The following ZNF385D variants were observed in gnomAD, a reference collection of about 807,000 sequenced individuals.
The protein encoded by ZNF385D is zinc finger protein 659.
In ZNF385D, 15 loss-of-function variants were observed where a neutral mutation model predicts 35.8. The ratio of observed to expected loss-of-function variants is 0.42; its 90% CI spans 0.28 to 0.64. The LOEUF (loss-of-function observed/expected upper bound fraction) is 0.64. Ranked by LOEUF, ZNF385D falls within the 30% of genes least tolerant of loss-of-function variation. ZNF385D has a pLI of 0.23. For missense variants in ZNF385D, 474 were observed against 494.6 expected (o/e 0.96, Z 0.39); for synonymous variants, 212 against 186.8 (o/e 1.13, Z -1.10).
rs143615252 is a variant in ZNF385D, at chr3:22,122,277, T to A, written c.325+46540A>T. Among the ~76,000 whole-genome samples, 346 of 152,294 alleles carry A rather than the reference T, an allele frequency of 2.3e-3. 1 individual carries two copies. The highest frequency in any genetic ancestry group is 7.5e-3 in the African/African-American group (312 of 41,576). ...CTTGCAAGTGACAAGCATCAGGACC[T>A]GCATTCGGCTGAAGTCATCAAAGGG... On this transcript the variant is annotated intron_variant, in intron 3 of 5. Coordinates refer to the ZNF385D transcript ENST00000494108.
intron 2 of ZNF385D, among the ~76,000 whole-genome samples, chr3:21,570,210 G>A (rs2063294661): frequency 6.6e-6 from 1 of 152,058 alleles, no homozygotes; most frequent in African/African-American, 2.4e-5. Flanking sequence ...TCAGCCCATG[G>A]CCTTATTTAA....
At chr3:21,682,201 GTTTGT>G (rs2066934692) in intron 1 of ZNF385D, among the ~76,000 whole-genome samples, 1 of 152,190 alleles carries the variant, frequency 6.6e-6, no homozygotes. Context: ...TGGCAGGTTG[GTTTGT>G]TTTTAGTTTA....
At chr3:21,982,079 GT>G (rs59719489) in intron 3 of ZNF385D, among the ~76,000 whole-genome samples, 49,696 of 133,170 alleles carry the variant, frequency 0.37, 9,722 homozygotes, top group South Asian at 0.57. Context: ...TTTTAAAATA[GT>G]TTTTTTTTTT....
chr3:21,493,088 C>A (rs1373470997), intron 4 of ZNF385D, among the ~76,000 whole-genome samples: 1 of 152,044 alleles, frequency 6.6e-6, no homozygotes, highest in Non-Finnish European at 1.5e-5. Context: ...TAGAGCAAGG[C>A]ACTTTTTAAA....
intron 2 of ZNF385D, among the ~76,000 whole-genome samples, chr3:22,269,463 T>C (rs1701063299): frequency 6.6e-6 from 1 of 151,894 alleles, no homozygotes; most frequent in Non-Finnish European, 1.5e-5. Flanking sequence ...TGCATATCTT[T>C]CCAGGGCTAG....
chr3:22,116,884 A>T (rs1186540367), intron 3 of ZNF385D, among the ~76,000 whole-genome samples: 12 of 152,078 alleles, frequency 7.9e-5, no homozygotes, highest in Non-Finnish European at 1.8e-4. Flanking sequence ...TAATGAAAAC[A>T]CTGAGTTGTC....
At position 21,889,978 on chromosome 3, in the gene ZNF385D, C is replaced by T. The variant is rs549886589; in HGVS notation, c.326-224950G>A. Among the ~76,000 whole-genome samples, 4 of 152,138 alleles carry T rather than the reference C, an allele frequency of 2.6e-5. No homozygotes were observed. In the South Asian group the frequency reaches 8.3e-4, roughly 32 times the overall value. On this transcript the variant is annotated intron_variant, in intron 3 of 5. Coordinates refer to the ZNF385D transcript ENST00000494108. The stretch of plus-strand genomic sequence containing the variant: ...GTGCGTGTGCCTGTGTGTGAATTTT[C>T]CCCTTTTTATAAAGACACTAGTCAT...
chr3:22,219,106 G>A (rs1007444804), intron 2 of ZNF385D, among the ~76,000 whole-genome samples: 1 of 152,040 alleles, frequency 6.6e-6, no homozygotes, highest in Admixed American at 6.6e-5. Context: ...GTGACGATCT[G>A]TTACTTTCTT....
intron 2 of ZNF385D, among the ~76,000 whole-genome samples, chr3:21,606,969 G>C (rs1433140922): frequency 6.6e-6 from 1 of 152,156 alleles, no homozygotes; most frequent in Admixed American, 6.6e-5. Context: ...TCCCTCTCTT[G>C]TGTACTCACA....
chr3:21,960,342 A>G (rs1475074038), intron 3 of ZNF385D, among the ~76,000 whole-genome samples: 2 of 152,090 alleles, frequency 1.3e-5, no homozygotes, highest in South Asian at 2.1e-4. Flanking sequence ...AAAATGCTCA[A>G]TACCACTAAT....
At chr3:22,237,476 A>T (rs1172633570) in intron 2 of ZNF385D, among the ~76,000 whole-genome samples, 1 of 152,154 alleles carries the variant, frequency 6.6e-6, no homozygotes, top group East Asian at 1.9e-4. Flanking sequence ...TGATAGTGCT[A>T]GTTAATGCAC....
chr3:21,810,097 A>G (rs1350634702), intron 3 of ZNF385D, among the ~76,000 whole-genome samples: 2 of 152,188 alleles, frequency 1.3e-5, no homozygotes, highest in Non-Finnish European at 2.9e-5. Flanking sequence ...AGACAAATAC[A>G]TTACAAGCCA....
intron 3 of ZNF385D, among the ~76,000 whole-genome samples, chr3:21,548,233 A>C (rs945807147): frequency 3.3e-5 from 5 of 152,158 alleles, no homozygotes; most frequent in African/African-American, 1.2e-4. Flanking sequence ...AACTAGGGAA[A>C]TATGCTGCAA....
chr3:21,901,467 T>A (rs557095574), intron 3 of ZNF385D, among the ~76,000 whole-genome samples: 4 of 152,262 alleles, frequency 2.6e-5, no homozygotes, highest in African/African-American at 9.6e-5. Flanking sequence ...GGCAATAATG[T>A]AATAATAGTG....
intron 2 of ZNF385D, among the ~76,000 whole-genome samples, chr3:21,595,469 A>G (rs1332378741): frequency 6.7e-6 from 1 of 148,954 alleles, no homozygotes; most frequent in Non-Finnish European, 1.5e-5. Context: ...TATGTAATAT[A>G]TAATTATATA....
intron 3 of ZNF385D, among the ~76,000 whole-genome samples, chr3:22,126,136 T>C (rs1417799979): frequency 2.0e-5 from 3 of 152,078 alleles, no homozygotes; most frequent in Non-Finnish European, 4.4e-5. Context: ...TGGTGAATTT[T>C]ATCAAATGCT....
chr3:22,253,400 T>A (rs1700159534), intron 2 of ZNF385D, among the ~76,000 whole-genome samples: 1 of 152,060 alleles, frequency 6.6e-6, no homozygotes, highest in South Asian at 2.1e-4. Context: ...TTTGCAGGTT[T>A]TGAATCTCAA....
At chr3:22,361,307 T>G (rs948429151) in intron 2 of ZNF385D, among the ~76,000 whole-genome samples, 3 of 152,034 alleles carry the variant, frequency 2.0e-5, no homozygotes, top group African/African-American at 7.2e-5. Context: ...AGCAAGCAAT[T>G]TGCTGTAATC....
chr3:22,214,576 G>C, intron 2 of ZNF385D, among the ~76,000 whole-genome samples: 1 of 152,130 alleles, frequency 6.6e-6, no homozygotes, highest in South Asian at 2.1e-4. Flanking sequence ...CTGAGAAAGG[G>C]AATGCGTCCC....
Sources: gnomAD v4.1 joint callset for allele counts (sites outside exome capture counted in the v4.1 genomes callset) on GRCh38, gnomAD v4.1.1 for gene constraint, MANE v1.5 for transcripts, NCBI Gene and HGNC (gene_info 2026-07-23, HGNC 2026-07-21) for gene names.